INTS15: variants seen among roughly 807,000 people sequenced by gnomAD.
INTS15 encodes uncharacterized protein C7orf26.
chr7:6,608,162 G>T, the INTS15 span: 1 of 1,557,336 alleles, frequency 6.4e-7, no homozygotes, highest in Admixed American at 1.9e-5. Context: ...CATCCGCTAG[G>T]CTGGCCCGTG....
the INTS15 span, chr7:6,602,623 C>A: frequency 2.1e-6 from 1 of 465,708 alleles, no homozygotes; most frequent in South Asian, 1.6e-5. Flanking sequence ...CTCAGCTTAC[C>A]CCGTTGTAAA....
At chr7:6,593,474 G>C in the INTS15 span, among the ~76,000 whole-genome samples, 1 of 151,720 alleles carries the variant, frequency 6.6e-6, no homozygotes, top group African/African-American at 2.4e-5. Flanking sequence ...GGGACTACAG[G>C]CGCCCACCAT....
the INTS15 span, among the ~76,000 whole-genome samples, chr7:6,598,411 G>T: frequency 1.3e-5 from 2 of 149,498 alleles, no homozygotes; most frequent in African/African-American, 4.9e-5. Flanking sequence ...AGAGTTTGCA[G>T]TGAGCTGAGA....
chr7:6,595,366 G>A, the INTS15 span, among the ~76,000 whole-genome samples: 1 of 152,102 alleles, frequency 6.6e-6, no homozygotes, highest in African/African-American at 2.4e-5. Context: ...GTTTCACTGT[G>A]TTGCCCAGTG....
chr7:6,596,457 C>T, the INTS15 span, among the ~76,000 whole-genome samples: 1 of 146,972 alleles, frequency 6.8e-6, no homozygotes, highest in East Asian at 2.0e-4. Context: ...TGGCTCACCA[C>T]AACCTCTGCC....
the INTS15 span, chr7:6,590,255 C>G: frequency 3.4e-6 from 5 of 1,479,420 alleles, no homozygotes; most frequent in Non-Finnish European, 4.5e-6. Context: ...GTGAGACGCG[C>G]TCGGCGCGGG....
chr7:6,590,182 C>T, the INTS15 span: 1 of 1,098,984 alleles, frequency 9.1e-7, no homozygotes, highest in Non-Finnish European at 1.2e-6. Flanking sequence ...TGCCGCAGCC[C>T]AGGCCCGGGT....
At chr7:6,594,593 G>C in the INTS15 span, 1 of 1,613,972 alleles carries the variant, frequency 6.2e-7, no homozygotes, top group Non-Finnish European at 8.5e-7. Flanking sequence ...TCTATGACCT[G>C]TCATCAGGTA....
chr7:6,598,671 G>A, the INTS15 span, among the ~76,000 whole-genome samples: 4 of 149,738 alleles, frequency 2.7e-5, no homozygotes, highest in Admixed American at 2.0e-4. Flanking sequence ...ACCAAGCCCC[G>A]CATGCACAGT....
the INTS15 span, among the ~76,000 whole-genome samples, chr7:6,601,608 T>A: frequency 1.4e-5 from 2 of 146,232 alleles, no homozygotes; most frequent in East Asian, 4.2e-4. Flanking sequence ...GGGACGGGTT[T>A]TTTAAAGCAA....
chr7:6,593,550 G>A, the INTS15 span, among the ~76,000 whole-genome samples: 3 of 151,574 alleles, frequency 2.0e-5, no homozygotes, highest in African/African-American at 7.3e-5. Flanking sequence ...TAGCCAGGAT[G>A]GTCTCGATCT....
chr7:6,594,845 C>T, the INTS15 span, among the ~76,000 whole-genome samples: 4 of 151,960 alleles, frequency 2.6e-5, no homozygotes, highest in African/African-American at 4.8e-5. Flanking sequence ...CTCAGCCTCC[C>T]GAGTAGCTAG....
the INTS15 span, chr7:6,600,130 C>T: frequency 6.2e-7 from 1 of 1,614,192 alleles, no homozygotes; most frequent in Non-Finnish European, 8.5e-7. Flanking sequence ...ACCTCAGCGT[C>T]CTGCAAGTGC....
At chr7:6,597,058 C>T in the INTS15 span, among the ~76,000 whole-genome samples, 10 of 151,778 alleles carry the variant, frequency 6.6e-5, no homozygotes, top group East Asian at 1.4e-3. Context: ...GCATTACAGG[C>T]GTGAGCCACT....
At chr7:6,600,479 C>T in the INTS15 span, 1 of 1,051,278 alleles carries the variant, frequency 9.5e-7, no homozygotes, top group Non-Finnish European at 1.3e-6. Flanking sequence ...TCCTAGTGAA[C>T]ACAGGGGAGG....
At chr7:6,601,298 C>T in the INTS15 span, among the ~76,000 whole-genome samples, 1 of 150,862 alleles carries the variant, frequency 6.6e-6, no homozygotes, top group Non-Finnish European at 1.5e-5. Flanking sequence ...TATTTTTATT[C>T]ATTTATTTTT....
the INTS15 span, chr7:6,591,869 T>C: frequency 6.2e-7 from 1 of 1,613,578 alleles, no homozygotes; most frequent in Non-Finnish European, 8.5e-7. Flanking sequence ...TGGCTTCAGG[T>C]ACTGCTCAAG....
chr7:6,608,240 G>A, the INTS15 span: 1 of 1,513,020 alleles, frequency 6.6e-7, no homozygotes, highest in Non-Finnish European at 8.8e-7. Context: ...TCCCAGAAGA[G>A]AACCTCGGGG....
the INTS15 span, chr7:6,591,969 C>T: frequency 7.5e-5 from 74 of 987,382 alleles, no homozygotes; most frequent in South Asian, 4.1e-4. Context: ...GTCAGGGGTT[C>T]AAGACCAGCC....
Sources: gnomAD v4.1 joint callset for allele counts (sites outside exome capture counted in the v4.1 genomes callset) on GRCh38, gnomAD v4.1.1 for gene constraint, MANE v1.5 for transcripts, NCBI Gene and HGNC (gene_info 2026-07-23, HGNC 2026-07-21) for gene names.